Variants in PSME4 observed in about 807,000 individuals in gnomAD.
The protein encoded by PSME4 is proteasome activator subunit 4, also known as proteasome activator complex subunit 4.
In PSME4, 89 loss-of-function variants were observed where a neutral mutation model predicts 253.9. The observed-to-expected ratio is 0.35, with a 90% CI of 0.30 to 0.42. The LOEUF is 0.42. PSME4 is among the 10% of genes least tolerant of loss of function. The probability of loss-of-function intolerance (pLI) is 1.00; values close to 1 mark genes in which losing one functional copy is unlikely to be tolerated. For missense variants in PSME4, 2,014 were observed against 2,195.2 expected (o/e 0.92, Z 1.65); for synonymous variants, 851 against 759.2 (o/e 1.12, Z -1.99).
intron 20 of PSME4, among the ~76,000 whole-genome samples, chr2:53,917,709 A>G (rs1558681376): frequency 6.6e-6 from 1 of 152,238 alleles, no homozygotes; most frequent in Non-Finnish European, 1.5e-5. Context: ...TTTGTTAAGT[A>G]TGAAATAGCT....
chr2:53,955,724 C>A (rs1221271247), intron 1 of PSME4, among the ~76,000 whole-genome samples: 1 of 152,060 alleles, frequency 6.6e-6, no homozygotes, highest in African/African-American at 2.4e-5. Flanking sequence ...GAGTTTGAGA[C>A]CAGCCTGGGC....
Position 53,922,513 on chromosome 2 carries a change from A to G in PSME4, c.2046+4T>C. ...ATGTTTCTTATTCCAAAGATTTACA[A>G]TACCTCAGACAAAAGTTGAAGATTC... On this transcript the variant is annotated splice_donor_region_variant and intron_variant, in intron 17 of 46. Transcript: ENST00000404125. 1 of 1,612,130 alleles carries G rather than the reference A, an allele frequency of 6.2e-7. No individual in the cohort carries two copies. The highest frequency in any genetic ancestry group is 8.5e-7 in the Non-Finnish European group (1 of 1,179,164).
At chr2:53,869,586 G>A (rs780413307) in intron 43 of PSME4, 48 bp from the exon 44 acceptor site, 3 of 1,392,544 alleles carry the variant, frequency 2.2e-6, no homozygotes, top group Non-Finnish European at 2.9e-6. Flanking sequence ...AAGTCTGAGG[G>A]AATAATGGAG....
At chr2:53,951,240 G>A (rs572276387) in intron 1 of PSME4, among the ~76,000 whole-genome samples, 7 of 152,142 alleles carry the variant, frequency 4.6e-5, no homozygotes, top group African/African-American at 1.4e-4. Context: ...CCAACACCAC[G>A]CCCGGCTAAT....
At chr2:53,958,648 T>C (rs945680032) in intron 1 of PSME4, among the ~76,000 whole-genome samples, 3 of 152,186 alleles carry the variant, frequency 2.0e-5, no homozygotes, top group African/African-American at 7.2e-5. Context: ...TGATTCAGCA[T>C]TATTCTGAAT....
intron 3 of PSME4, among the ~76,000 whole-genome samples, chr2:53,941,539 C>T (rs1669455324): frequency 1.3e-5 from 2 of 152,032 alleles, no homozygotes; most frequent in South Asian, 2.1e-4. Flanking sequence ...TATAAAAAGG[C>T]TATCTGCTCA....
At chr2:53,897,737 CA>C in intron 31 of PSME4, 132 bp downstream of exon 31, 1 of 1,023,742 alleles carries the variant, frequency 9.8e-7, no homozygotes, top group African/African-American at 1.6e-5. Flanking sequence ...TCTGAATCAA[CA>C]GGGGGAGATT....
intron 20 of PSME4, among the ~76,000 whole-genome samples, chr2:53,915,327 G>A (rs557318684): frequency 6.4e-4 from 98 of 152,224 alleles, no homozygotes; most frequent in African/African-American, 2.2e-3. Context: ...TATAGTCCCA[G>A]CTATTCGGGA....
At chr2:53,868,053 T>G (rs1366893987) in intron 44 of PSME4, among the ~76,000 whole-genome samples, 1 of 151,938 alleles carries the variant, frequency 6.6e-6, no homozygotes, top group Admixed American at 6.6e-5. Context: ...ACATGGAAAA[T>G]AGGGAGTTGA....
chr2:53,951,774 A>G (rs1670009661), intron 1 of PSME4, among the ~76,000 whole-genome samples: 1 of 152,212 alleles, frequency 6.6e-6, no homozygotes, highest in Admixed American at 6.5e-5. Flanking sequence ...AGATATTATA[A>G]AACCTCAAAA....
At chr2:53,965,963 C>T (rs949962655) in intron 1 of PSME4, among the ~76,000 whole-genome samples, 1 of 152,172 alleles carries the variant, frequency 6.6e-6, no homozygotes, top group Non-Finnish European at 1.5e-5. Context: ...TGAGCCGCCA[C>T]GCCCAGCCAA....
At chr2:53,940,952 C>CATATTT (rs61078234) in intron 3 of PSME4, among the ~76,000 whole-genome samples, 1,648 of 23,980 alleles carry the variant, frequency 0.069, 334 homozygotes, top group Middle Eastern at 0.15. Context: ...TATATATATA[C>CATATTT]ATATATATAT....
At chr2:53,868,274 T>C (rs907099570) in intron 44 of PSME4, among the ~76,000 whole-genome samples, 6 of 151,210 alleles carry the variant, frequency 4.0e-5, no homozygotes, top group African/African-American at 1.2e-4. Context: ...CTGATCAACA[T>C]GGTGAAACTC....
intron 1 of PSME4, among the ~76,000 whole-genome samples, chr2:53,962,265 AC>A (rs1036932306): frequency 3.3e-5 from 5 of 152,120 alleles, no homozygotes; most frequent in African/African-American, 7.2e-5. Context: ...TTGAAGAGGA[AC>A]CTCTACTTTT....
chr2:53,950,610 C>T (rs1296678069), intron 1 of PSME4, among the ~76,000 whole-genome samples: 3 of 151,900 alleles, frequency 2.0e-5, no homozygotes, highest in South Asian at 2.1e-4. Flanking sequence ...GGGAGGCCGA[C>T]GTGGGTGGAT....
rs377419302 is a variant in PSME4, at chr2:53,963,087, G to A, written c.242+7456C>T. Among the ~76,000 whole-genome samples the A allele has an allele frequency of 5.9e-5, 9 of 151,962 alleles. No homozygotes were observed. In the South Asian group the frequency reaches 1.2e-3, roughly 21 times the overall value. ...CCCAACACTTTCCCAACACTTTCAG[G>A]AGGCAAAGGTGGAGGATCACTTGAG... On this transcript the variant is annotated intron_variant, in intron 1 of 46. Transcript: ENST00000404125.
At position 53,930,717 on chromosome 2, in the gene PSME4, A is replaced by G. The variant is rs564956675; in HGVS notation, c.1316+1118T>C. Among the ~76,000 whole-genome samples, 6 of 152,328 alleles carry G rather than the reference A, an allele frequency of 3.9e-5. No homozygotes were observed. In the South Asian group the frequency reaches 1.2e-3, roughly 32 times the overall value. On this transcript the variant is annotated intron_variant, in intron 10 of 46. Coordinates refer to ENST00000404125, the MANE Select transcript of PSME4 (RefSeq NM_014614.3). ...GATCTTGAACACGGTATCCTTCCCC[A>G]AGTAAATATGACCAACACTTATTCT...
chr2:53,903,343 T>G (rs1680498414), intron 27 of PSME4, among the ~76,000 whole-genome samples: 1 of 152,172 alleles, frequency 6.6e-6, no homozygotes, highest in Non-Finnish European at 1.5e-5. Flanking sequence ...GCTTAGTAAC[T>G]TTGACATTTC....
intron 45 of PSME4, 81 bp downstream of exon 45, chr2:53,866,666 A>C (rs1377684051): frequency 2.8e-6 from 4 of 1,426,922 alleles, no homozygotes; most frequent in Non-Finnish European, 3.8e-6. Flanking sequence ...GTTAGTTCAG[A>C]GTGTATAGGA....
Sources: allele counts gnomAD v4.1 joint callset (sites outside exome capture counted in the v4.1 genomes callset), GRCh38; gene constraint gnomAD v4.1.1; transcripts MANE v1.5; gene names NCBI Gene and HGNC (gene_info 2026-07-23, HGNC 2026-07-21).